EYS: variants seen among roughly 807,000 people sequenced by gnomAD.
The protein encoded by EYS is protein eyes shut homolog.
A neutral mutation model predicts 282.1 loss-of-function variants in EYS; 250 were observed. That is an observed-to-expected ratio of 0.89 (90% CI 0.80 to 0.98). The LOEUF (loss-of-function observed/expected upper bound fraction) is 0.98, where lower values mean the gene tolerates loss of function less well. Among genes scored for constraint, EYS ranks in the 50% least tolerant of loss-of-function variants. The pLI, the probability that EYS is intolerant of heterozygous loss-of-function variation, is 0.00. For missense variants in EYS, 4,016 were observed against 3,709.0 expected (o/e 1.08, Z -2.15); for synonymous variants, 1,355 against 1,282.9 (o/e 1.06, Z -1.20).
At chr6:63,988,314 C>T (rs759532849) in intron 34 of EYS, among the ~76,000 whole-genome samples, 1 of 151,600 alleles carries the variant, frequency 6.6e-6, no homozygotes, top group Admixed American at 6.6e-5. Context: ...CAAGTGTGCT[C>T]TTTAAGCACA....
At chr6:64,209,844 T>C (rs530926406) in intron 31 of EYS, among the ~76,000 whole-genome samples, 1 of 152,322 alleles carries the variant, frequency 6.6e-6, no homozygotes, top group East Asian at 1.9e-4. Flanking sequence ...TGTTTTTTAA[T>C]GGAAAGTCCA....
chr6:64,143,993 T>G (rs1444296778), intron 31 of EYS, among the ~76,000 whole-genome samples: 1 of 152,110 alleles, frequency 6.6e-6, no homozygotes, highest in Non-Finnish European at 1.5e-5. Flanking sequence ...TCATCTAACA[T>G]CAAAAGCATG....
At chr6:64,587,026 G>T (rs1485066197) in intron 26 of EYS, among the ~76,000 whole-genome samples, 1 of 151,968 alleles carries the variant, frequency 6.6e-6, no homozygotes, top group Non-Finnish European at 1.5e-5. Flanking sequence ...TTTCAAAGAC[G>T]TCAGAGAAAA....
At chr6:64,384,629 A>C (rs1382122268) in intron 29 of EYS, among the ~76,000 whole-genome samples, 2 of 152,198 alleles carry the variant, frequency 1.3e-5, no homozygotes, top group Non-Finnish European at 2.9e-5. Context: ...TCCTTAACTA[A>C]CTTGGACCCG....
intron 19 of EYS, among the ~76,000 whole-genome samples, chr6:64,875,918 A>T (rs1766736853): frequency 6.6e-6 from 1 of 151,978 alleles, no homozygotes; most frequent in Non-Finnish European, 1.5e-5. Context: ...CTTAATCTCA[A>T]ATCATTATCT....
chr6:64,261,886 A>C (rs960320059), intron 30 of EYS, among the ~76,000 whole-genome samples: 2 of 151,624 alleles, frequency 1.3e-5, no homozygotes, highest in Non-Finnish European at 2.9e-5. Flanking sequence ...CCTCCTGAGT[A>C]GCTGGGACTA....
intron 31 of EYS, among the ~76,000 whole-genome samples, chr6:64,162,678 T>C (rs1183621495): frequency 1.3e-5 from 2 of 152,168 alleles, no homozygotes; most frequent in African/African-American, 4.8e-5. Flanking sequence ...CCTTTTATTC[T>C]CTCTGGTCCC....
chr6:63,869,979 A>G (rs1251648730), intron 35 of EYS, among the ~76,000 whole-genome samples: 1 of 152,104 alleles, frequency 6.6e-6, no homozygotes, highest in Admixed American at 6.6e-5. Flanking sequence ...TTCATAATAA[A>G]TTTTTCTCAC....
chr6:64,129,242 A>G (rs1180438298), intron 31 of EYS, among the ~76,000 whole-genome samples: 1 of 152,194 alleles, frequency 6.6e-6, no homozygotes, highest in African/African-American at 2.4e-5. Context: ...TCCCACCAAC[A>G]GTGTAAAAGT....
At chr6:63,768,398 T>C (rs1365654348) in intron 40 of EYS, among the ~76,000 whole-genome samples, 1 of 151,456 alleles carries the variant, frequency 6.6e-6, no homozygotes, top group Non-Finnish European at 1.5e-5. Context: ...GACAACCCCA[T>C]TAAAAAAATG....
At chr6:65,134,649 G>T (rs891917245) in intron 12 of EYS, among the ~76,000 whole-genome samples, 4 of 151,970 alleles carry the variant, frequency 2.6e-5, no homozygotes, top group Middle Eastern at 6.8e-3. Flanking sequence ...GTAACTATTG[G>T]GTACTAGGCT....
intron 30 of EYS, among the ~76,000 whole-genome samples, chr6:64,257,432 G>T (rs1392986372): frequency 2.6e-5 from 4 of 151,862 alleles, no homozygotes; most frequent in African/African-American, 9.7e-5. Context: ...CTCTTCAAAA[G>T]TTAGTTTGGC....
At chr6:63,877,035 C>T (rs971840044) in intron 35 of EYS, among the ~76,000 whole-genome samples, 22 of 152,098 alleles carry the variant, frequency 1.4e-4, no homozygotes, top group African/African-American at 3.1e-4. Context: ...TTATTTTGCT[C>T]GTTAGTTGAT....
chr6:64,364,251 T>C (rs1473668064), intron 29 of EYS, among the ~76,000 whole-genome samples: 1 of 151,924 alleles, frequency 6.6e-6, no homozygotes, highest in African/African-American at 2.4e-5. Flanking sequence ...TTGGTTCTTC[T>C]GTTTCTGTTC....
chr6:65,093,022 A>G (rs1774620759), intron 12 of EYS, among the ~76,000 whole-genome samples: 1 of 152,166 alleles, frequency 6.6e-6, no homozygotes, highest in South Asian at 2.1e-4. Context: ...AGAAGTCAAT[A>G]CCAAAGATAA....
chr6:64,715,719 C>T (rs2149938429), intron 22 of EYS, among the ~76,000 whole-genome samples: 1 of 152,308 alleles, frequency 6.6e-6, no homozygotes, highest in South Asian at 2.1e-4. Flanking sequence ...TGAAACATGT[C>T]AAAAATCCCA....
At position 64,775,413 on chromosome 6, in the gene EYS, T is replaced by C. The variant is rs1308376361; in HGVS notation, c.3443+37965A>G. The stretch of plus-strand genomic sequence containing the variant: ...TAAACCTTGGTTCAAACCCCAACTT[T>C]GCCACTTAAAACTGAACCACCGCAC... On this transcript the variant is annotated intron_variant, in intron 22 of 42. Coordinates refer to ENST00000503581, the MANE Select transcript of EYS (RefSeq NM_001142800.2). 3.9e-5 allele frequency among the ~76,000 whole-genome samples: 6 copies of C among 152,090 alleles called. No individual in the cohort carries two copies. The East Asian group carries it at 1.2e-3, about 29-fold the overall frequency.
chr6:63,724,984 C>G (rs1338397126), intron 42 of EYS, among the ~76,000 whole-genome samples: 1 of 151,974 alleles, frequency 6.6e-6, no homozygotes, highest in Non-Finnish European at 1.5e-5. Flanking sequence ...TTTTCTGCAA[C>G]CTTAAATAAA....
chr6:64,371,779 C>CT lies in EYS; in HGVS notation c.6078+16910dup, dbSNP rs535721971. ...CCATTATGTAAATGCACTTCTTTGTCTTTTTTTTAAATCCTTGTTGGTTTA... is the reference window on the plus strand; with the variant it reads ...CCATTATGTAAATGCACTTCTTTGTCTTTTTTTTTAAATCCTTGTTGGTTTA... On this transcript the variant is annotated intron_variant, in intron 29 of 42. Transcript: ENST00000503581. 4.2e-3 allele frequency among the ~76,000 whole-genome samples: 644 copies of CT among 151,828 alleles called. 1 individual carries two copies. The highest frequency in any genetic ancestry group is 7.4e-3 in the Non-Finnish European group (504 of 67,876).
Sources: allele counts gnomAD v4.1 joint callset (sites outside exome capture counted in the v4.1 genomes callset), GRCh38; gene constraint gnomAD v4.1.1; transcripts MANE v1.5; gene names NCBI Gene and HGNC (gene_info 2026-07-23, HGNC 2026-07-21).